Variants in AGBL4 observed in about 807,000 individuals in gnomAD.
The protein encoded by AGBL4 is cytosolic carboxypeptidase 6.
A neutral mutation model predicts 66.4 loss-of-function variants in AGBL4; 58 were observed. The ratio of observed to expected loss-of-function variants is 0.87; its 90% confidence interval spans 0.71 to 1.09. The LOEUF (loss-of-function observed/expected upper bound fraction) is 1.09. AGBL4 is among the 50% of genes least tolerant of loss of function. AGBL4 has a pLI of 0.00. For synonymous variants in AGBL4, 234 were observed against 222.9 expected, an observed-to-expected ratio of 1.05 and a Z score of -0.44; for missense variants, 579 against 631.0, an observed-to-expected ratio of 0.92 and a Z score of 0.88.
intron 3 of AGBL4, among the ~76,000 whole-genome samples, chr1:49,568,708 C>G (rs539836490): frequency 6.6e-6 from 1 of 152,212 alleles, no homozygotes; most frequent in East Asian, 1.9e-4. Context: ...CAAGGCAATT[C>G]TAAGTAAAAA....
At chr1:49,961,275 G>A (rs1657099568) in intron 1 of AGBL4, among the ~76,000 whole-genome samples, 1 of 152,098 alleles carries the variant, frequency 6.6e-6, no homozygotes, top group Non-Finnish European at 1.5e-5. Flanking sequence ...TTGGGAGGCT[G>A]AGGCAGGAAG....
Position 50,023,899 on chromosome 1 carries a change from G to A in AGBL4, c.-103C>T. 2.2e-6 allele frequency: 3 copies of A among 1,335,620 alleles called. No individual in the cohort carries two copies. The highest frequency in any genetic ancestry group is 2.0e-6 in the Non-Finnish European group (2 of 1,000,520). The allele number at this position is 1,335,620 out of a possible 1,614,324, so 82.7% of individuals were successfully genotyped here. ...ACAGGAGCTACCTCAGGAAGACGCG[G>A]CACGACGGTTGCCTGGGCAACGGGC... On this transcript the variant is annotated 5_prime_UTR_variant, in exon 1 of 14. Transcript: ENST00000371839.
intron 5 of AGBL4, among the ~76,000 whole-genome samples, chr1:48,880,208 C>T (rs1231766928): frequency 2.0e-5 from 3 of 152,142 alleles, no homozygotes; most frequent in African/African-American, 4.8e-5. Flanking sequence ...TGAGTGAGAA[C>T]ATGTGATGTT....
At chr1:49,999,000 C>T (rs1228823341) in intron 1 of AGBL4, among the ~76,000 whole-genome samples, 1 of 152,068 alleles carries the variant, frequency 6.6e-6, no homozygotes, top group Non-Finnish European at 1.5e-5. Context: ...AAGTTGAAAG[C>T]ATTCTGCCTG....
intron 1 of AGBL4, among the ~76,000 whole-genome samples, chr1:50,012,978 T>G (rs531000944): frequency 2.0e-5 from 3 of 152,328 alleles, no homozygotes; most frequent in African/African-American, 7.2e-5. Flanking sequence ...ATAATTTGTT[T>G]CAGTAGTTAG....
chr1:48,857,571 A>T (rs145264791), intron 6 of AGBL4, among the ~76,000 whole-genome samples: 4,827 of 152,176 alleles, frequency 0.032, 267 homozygotes, highest in African/African-American at 0.11. Context: ...AATACAAAAA[A>T]TTAGCCGGGT....
intron 4 of AGBL4, among the ~76,000 whole-genome samples, chr1:49,187,838 C>T (rs1273365169): frequency 6.6e-6 from 1 of 152,096 alleles, no homozygotes; most frequent in Non-Finnish European, 1.5e-5. Flanking sequence ...TATGGTTTGG[C>T]TGTGTCCCCA....
chr1:50,012,660 A>G (rs1661638827), intron 1 of AGBL4, among the ~76,000 whole-genome samples: 1 of 152,208 alleles, frequency 6.6e-6, no homozygotes, highest in Non-Finnish European at 1.5e-5. Context: ...GTATATGTTC[A>G]GAGAATACCT....
intron 1 of AGBL4, among the ~76,000 whole-genome samples, chr1:50,014,250 A>G (rs563685472): frequency 9.2e-5 from 14 of 152,150 alleles, no homozygotes; most frequent in Non-Finnish European, 1.5e-5. Context: ...ATGCACCTGT[A>G]GTCCCAGCTA....
chr1:48,785,734 A>C (rs1645393014), intron 6 of AGBL4, among the ~76,000 whole-genome samples: 1 of 152,174 alleles, frequency 6.6e-6, no homozygotes, highest in African/African-American at 2.4e-5. Flanking sequence ...CCGGGAAACA[A>C]GATGGTGATT....
intron 4 of AGBL4, among the ~76,000 whole-genome samples, chr1:49,136,667 T>C (rs1163174420): frequency 6.6e-6 from 1 of 152,162 alleles, no homozygotes. Context: ...AGCACTAGAC[T>C]CTTTAATTTG....
chr1:48,866,953 T>C (rs1423403741), intron 6 of AGBL4, among the ~76,000 whole-genome samples: 2 of 151,958 alleles, frequency 1.3e-5, no homozygotes, highest in Admixed American at 6.6e-5. Flanking sequence ...TGCAGCAACA[T>C]CCAGAGTATC....
chr1:49,754,555 C>T (rs1268169905), intron 2 of AGBL4, among the ~76,000 whole-genome samples: 2 of 152,160 alleles, frequency 1.3e-5, no homozygotes, highest in African/African-American at 4.8e-5. Context: ...CCTGCTCCTT[C>T]CTCTGGAAAC....
In AGBL4 at chr1:49,395,858, A is replaced by AATAT. The variant is rs144178600; in HGVS notation, c.283-149998_283-149995dup. 4.8e-5 allele frequency among the ~76,000 whole-genome samples: 6 copies of AATAT among 126,224 alleles called. 1 individual carries two copies. Among genetic ancestry groups the AATAT allele is most frequent in the African/African-American group, 1.2e-4 (4 of 32,406 alleles). 82.8% of individuals were successfully genotyped at this position (126,224 alleles called of 152,430 possible). A position where few individuals can be genotyped will look rare whatever the true frequency, so the allele number is the denominator to read the frequency against. On this transcript the variant is annotated intron_variant, in intron 3 of 13. Transcript: ENST00000371839. ...ATATATATATATATATACACACATA[A>AATAT]ATATATATATATATATAGCCAGTGG...
intron 6 of AGBL4, among the ~76,000 whole-genome samples, chr1:48,678,395 C>A (rs757600272): frequency 3.0e-4 from 45 of 152,288 alleles, no homozygotes; most frequent in Non-Finnish European, 5.4e-4. Context: ...AGGGGGAGAA[C>A]AACACCTGTC....
At chr1:49,398,207 T>A (rs550079146) in intron 3 of AGBL4, among the ~76,000 whole-genome samples, 1 of 152,164 alleles carries the variant, frequency 6.6e-6, no homozygotes, top group African/African-American at 2.4e-5. Flanking sequence ...AGCACTTGAA[T>A]GAGTAGACTG....
At chr1:49,948,578 TATATAGAG>T (rs1392183289) in intron 1 of AGBL4, among the ~76,000 whole-genome samples, 3 of 126,482 alleles carry the variant, frequency 2.4e-5, no homozygotes, top group East Asian at 2.2e-4. Context: ...TATATATATA[TATATAGAG>T]AGAGAGAGAG....
At chr1:49,454,863 G>A (rs985528028) in intron 3 of AGBL4, among the ~76,000 whole-genome samples, 3 of 151,516 alleles carry the variant, frequency 2.0e-5, no homozygotes, top group African/African-American at 4.8e-5. Context: ...TGCTAAAATA[G>A]TATGGCATGC....
At chr1:48,822,416 C>T (rs2148772049) in intron 6 of AGBL4, among the ~76,000 whole-genome samples, 1 of 152,290 alleles carries the variant, frequency 6.6e-6, no homozygotes, top group East Asian at 1.9e-4. Flanking sequence ...AGGAAGCAAT[C>T]GGACCTAGAA....
Sources: gnomAD v4.1 joint callset for allele counts (sites outside exome capture counted in the v4.1 genomes callset) on GRCh38, gnomAD v4.1.1 for gene constraint, MANE v1.5 for transcripts, NCBI Gene and HGNC (gene_info 2026-07-23, HGNC 2026-07-21) for gene names.